The following RAB28 variants were observed in gnomAD, a reference collection of about 807,000 sequenced individuals.
The protein encoded by RAB28 is ras-related protein Rab-28.
Under a neutral mutation model 31.7 loss-of-function variants are expected in RAB28, and 24 were observed. The ratio of observed to expected loss-of-function variants is 0.76; its 90% CI spans 0.55 to 1.06. The LOEUF (loss-of-function observed/expected upper bound fraction) is 1.06, where lower values mean the gene tolerates loss of function less well. Among genes scored for constraint, RAB28 ranks in the 50% least tolerant of loss-of-function variants. RAB28 has a pLI of 0.00. For missense variants in RAB28, 254 were observed against 258.5 expected (o/e 0.98, Z 0.12); for synonymous variants, 100 against 90.4 (o/e 1.11, Z -0.60).
At chr4:13,433,354 C>A (rs565268872) in intron 4 of RAB28, among the ~76,000 whole-genome samples, 1 of 152,130 alleles carries the variant, frequency 6.6e-6, no homozygotes, top group South Asian at 2.1e-4. Context: ...AAACTATCAA[C>A]ACAGAAAGCA....
chr4:13,392,231 T>C (rs1193995600), intron 4 of RAB28, among the ~76,000 whole-genome samples: 1 of 152,182 alleles, frequency 6.6e-6, no homozygotes, highest in Non-Finnish European at 1.5e-5. Context: ...AAGTGGCCTG[T>C]ATATTAGGAT....
intron 4 of RAB28, among the ~76,000 whole-genome samples, chr4:13,384,681 G>A (rs1729286390): frequency 6.6e-6 from 1 of 151,928 alleles, no homozygotes; most frequent in African/African-American, 2.4e-5. Context: ...AAACTCTCAA[G>A]GTCATCAAAT....
chr4:13,464,289 A>G (rs982541064), intron 3 of RAB28, among the ~76,000 whole-genome samples: 2 of 152,142 alleles, frequency 1.3e-5, no homozygotes, highest in African/African-American at 4.8e-5. Context: ...AGAGGAAAAA[A>G]GTAACCATTG....
chr4:13,398,480 G>A (rs7442133), intron 4 of RAB28, among the ~76,000 whole-genome samples: 2 of 152,096 alleles, frequency 1.3e-5, no homozygotes, highest in African/African-American at 2.4e-5. Context: ...AAGTACACAA[G>A]CCACAGTAAG....
chr4:13,371,858 T>C, intron 6 of RAB28: 1 of 1,544,866 alleles, frequency 6.5e-7, no homozygotes. Context: ...ATGAAAATAA[T>C]GAAATGGCCC....
chr4:13,476,295 G>C (rs1716357314), intron 2 of RAB28, among the ~76,000 whole-genome samples: 2 of 151,390 alleles, frequency 1.3e-5, no homozygotes, highest in African/African-American at 4.8e-5. Flanking sequence ...TCCCATCTAA[G>C]AGGTTCATAG....
intron 4 of RAB28, among the ~76,000 whole-genome samples, chr4:13,413,628 G>T (rs376798649): frequency 1.4e-4 from 21 of 152,170 alleles, no homozygotes; most frequent in African/African-American, 5.1e-4. Context: ...GAGAGAAAAT[G>T]AATGTTTTAA....
intron 4 of RAB28, among the ~76,000 whole-genome samples, chr4:13,427,247 A>C (rs867735217): frequency 3.9e-5 from 6 of 152,232 alleles, no homozygotes; most frequent in Non-Finnish European, 8.8e-5. Flanking sequence ...TGAAGACTTA[A>C]GGGCCTTCTT....
rs1360365053 is a variant in RAB28, at chr4:13,484,211, C to G, written c.-61G>C. On this transcript the variant is annotated 5_prime_UTR_variant, in exon 1 of 7. Coordinates refer to ENST00000330852, the MANE Select transcript of RAB28 (RefSeq NM_001017979.3). ...GGGGGGAAGGGAAGGATGAAGGCTC[C>G]GGGGGCGGGGGAGAGGAGGAAGGGA... 5.2e-6 allele frequency: 7 copies of G among 1,345,054 alleles called. No individual in the cohort carries two copies. The highest frequency in any genetic ancestry group is 2.1e-6 in the Non-Finnish European group (2 of 961,426). The allele number at this position is 1,345,054 out of a possible 1,614,324, so 83.3% of individuals were successfully genotyped here. A position where few individuals can be genotyped will look rare whatever the true frequency, so the allele number is the denominator to read the frequency against.
In RAB28 at chr4:13,432,982, T is replaced by TA. The variant is rs879888079; in HGVS notation, c.391+27716dup. On this transcript the variant is annotated intron_variant, in intron 4 of 6. Coordinates refer to ENST00000330852, the MANE Select transcript of RAB28 (RefSeq NM_001017979.3). ...AAGACACAGAGTGGCAAATTGAATT[T>TA]AAAAAAAAAAAAAGAAACGGAATTT... 8.6e-3 allele frequency among the ~76,000 whole-genome samples: 1,203 copies of TA among 140,082 alleles called. 17 individuals are homozygous for TA. Among genetic ancestry groups the TA allele is most frequent in the African/African-American group, 0.027 (1,021 of 38,412 alleles). The allele number at this position is 140,082 out of a possible 152,430, so 91.9% of individuals were successfully genotyped here.
At chr4:13,476,919 T>A (rs1347747150) in intron 2 of RAB28, among the ~76,000 whole-genome samples, 2 of 151,530 alleles carry the variant, frequency 1.3e-5, no homozygotes, top group African/African-American at 4.8e-5. Flanking sequence ...AAGTTGCTTT[T>A]GGTATGAATT....
At chr4:13,376,387 A>C (rs897611170) in intron 6 of RAB28, among the ~76,000 whole-genome samples, 158 bp downstream of exon 6, 2 of 152,134 alleles carry the variant, frequency 1.3e-5, no homozygotes, top group African/African-American at 4.8e-5. Context: ...AACATTCTCC[A>C]TCTTCTGCAA....
At chr4:13,460,047 T>A in intron 4 of RAB28, 2 of 457,164 alleles carry the variant, frequency 4.4e-6, no homozygotes, top group Non-Finnish European at 7.4e-6. Context: ...TTGTACACAC[T>A]CTTAGGAATT....
intron 4 of RAB28, among the ~76,000 whole-genome samples, chr4:13,393,561 T>C (rs1577168583): frequency 6.6e-6 from 1 of 152,160 alleles, no homozygotes; most frequent in Non-Finnish European, 1.5e-5. Context: ...ATTACTTTCA[T>C]TGACTACACG....
chr4:13,432,934 C>T (rs1035953198), intron 4 of RAB28, among the ~76,000 whole-genome samples: 6 of 149,946 alleles, frequency 4.0e-5, no homozygotes, highest in Admixed American at 2.7e-4. Context: ...TAACCTTGAA[C>T]GTAAATGGCC....
intron 4 of RAB28, among the ~76,000 whole-genome samples, chr4:13,420,477 T>C (rs1022660228): frequency 6.6e-6 from 1 of 151,988 alleles, no homozygotes. Flanking sequence ...TAGACCAATA[T>C]CCCTGATGAA....
At chr4:13,467,132 G>C (rs551822643) in intron 3 of RAB28, among the ~76,000 whole-genome samples, 4 of 151,952 alleles carry the variant, frequency 2.6e-5, no homozygotes, top group African/African-American at 9.6e-5. Context: ...TAATTATTAT[G>C]TATCATACAT....
rs531268868 is a variant in RAB28, at chr4:13,429,384, A to C, written c.391+31315T>G. 5.3e-5 allele frequency among the ~76,000 whole-genome samples: 8 copies of C among 152,286 alleles called. No homozygotes were observed. In the East Asian group the frequency reaches 7.7e-4, roughly 15 times the overall value. On this transcript the variant is annotated intron_variant, in intron 4 of 6. Transcript: ENST00000330852. ...ATGGTCTTATATATTGAAAATCTTGAAGAATCCACAAAAAAAACTATTAGA... is the reference window on the plus strand; with the variant it reads ...ATGGTCTTATATATTGAAAATCTTGCAGAATCCACAAAAAAAACTATTAGA...
Position 13,474,173 on chromosome 4 carries a change from T to C in RAB28, c.261+145A>G, listed in dbSNP as rs191050571. 2.2e-4 allele frequency: 166 copies of C among 765,526 alleles called. 1 individual carries two copies. The highest frequency in any genetic ancestry group is 3.7e-4 in the Non-Finnish European group (155 of 424,136). The allele number at this position is 765,526 out of a possible 1,614,324, so 47.4% of individuals were successfully genotyped here. On this transcript the variant is annotated intron_variant, in intron 3 of 6. Transcript: ENST00000330852. Reference sequence around the variant, plus strand: ...TTAGGAGAGCATGAAACCAAAGAACTAGCACAAATATAAAATTATTCTCTC... The same window carrying C: ...TTAGGAGAGCATGAAACCAAAGAACCAGCACAAATATAAAATTATTCTCTC...
Sources: gnomAD v4.1 joint callset for allele counts (sites outside exome capture counted in the v4.1 genomes callset) on GRCh38, gnomAD v4.1.1 for gene constraint, MANE v1.5 for transcripts, NCBI Gene and HGNC (gene_info 2026-07-23, HGNC 2026-07-21) for gene names.